The following ROR1 variants were observed in gnomAD, a reference collection of about 807,000 sequenced individuals.
The protein encoded by ROR1 is ROR family WNT receptor 1.
In ROR1, 19 loss-of-function variants were observed where a neutral mutation model predicts 78.8. The ratio of observed to expected loss-of-function variants is 0.24; its 90% CI spans 0.17 to 0.35. ROR1 has a LOEUF of 0.35. ROR1 is among the 10% of genes least tolerant of loss of function. The pLI, the probability that ROR1 is intolerant of heterozygous loss-of-function variation, is 1.00. For missense variants in ROR1, 917 were observed against 1,177.8 expected, an observed-to-expected ratio of 0.78 and a Z score of 3.24; for synonymous variants, 386 against 433.6, an observed-to-expected ratio of 0.89 and a Z score of 1.36.
chr1:64,057,346 G>T (rs183795576), intron 4 of ROR1, among the ~76,000 whole-genome samples: 1 of 152,286 alleles, frequency 6.6e-6, no homozygotes, highest in Admixed American at 6.5e-5. Flanking sequence ...GTTCTACATA[G>T]TCTTGATTAC....
chr1:64,134,448 T>A (rs2100702985), intron 4 of ROR1, among the ~76,000 whole-genome samples: 1 of 152,326 alleles, frequency 6.6e-6, no homozygotes, highest in East Asian at 1.9e-4. Context: ...ACTTTGTGAA[T>A]TTGAGCAAGT....
intron 7 of ROR1, among the ~76,000 whole-genome samples, chr1:64,146,858 T>C (rs1649487309): frequency 6.6e-6 from 1 of 152,174 alleles, no homozygotes; most frequent in South Asian, 2.1e-4. Context: ...CCTGGTGCTT[T>C]ACATATTCAT....
chr1:63,894,896 C>G (rs1375794873), intron 1 of ROR1, among the ~76,000 whole-genome samples: 5 of 152,094 alleles, frequency 3.3e-5, no homozygotes, highest in African/African-American at 9.7e-5. Context: ...CTTTATTTTG[C>G]CAAGTAGACT....
chr1:64,137,628 T>C (rs1649161059), intron 5 of ROR1, 132 bp downstream of exon 5: 1 of 769,360 alleles, frequency 1.3e-6, no homozygotes, highest in South Asian at 1.9e-5. Flanking sequence ...TAAAAAAGCA[T>C]GAGACATGAT....
At chr1:64,008,781 C>T (rs758227950) in intron 1 of ROR1, among the ~76,000 whole-genome samples, 31 of 152,056 alleles carry the variant, frequency 2.0e-4, no homozygotes, top group Admixed American at 1.4e-3. Context: ...ATTACAGGTG[C>T]ATGCCACCAG....
intron 4 of ROR1, among the ~76,000 whole-genome samples, chr1:64,130,198 G>A (rs1379256137): frequency 6.6e-6 from 1 of 152,080 alleles, no homozygotes; most frequent in Non-Finnish European, 1.5e-5. Flanking sequence ...AAGAAAAAGG[G>A]ATGTAAGGGT....
At chr1:63,847,475 C>G (rs369396052) in intron 1 of ROR1, among the ~76,000 whole-genome samples, 4 of 152,188 alleles carry the variant, frequency 2.6e-5, no homozygotes, top group African/African-American at 9.6e-5. Flanking sequence ...CAGGGAGATT[C>G]ATCTCCCAGA....
intron 1 of ROR1, among the ~76,000 whole-genome samples, chr1:63,949,252 T>C (rs1214129314): frequency 2.0e-5 from 3 of 152,164 alleles, no homozygotes; most frequent in African/African-American, 7.2e-5. Context: ...TTCAATTTCA[T>C]CAGGTGATTT....
intron 1 of ROR1, among the ~76,000 whole-genome samples, chr1:63,794,631 G>A (rs1041423862): frequency 6.6e-6 from 1 of 152,218 alleles, no homozygotes; most frequent in African/African-American, 2.4e-5. Flanking sequence ...CGCAGTGATG[G>A]AATCACCTGA....
intron 7 of ROR1, among the ~76,000 whole-genome samples, chr1:64,154,352 G>A (rs1309959492): frequency 6.6e-6 from 1 of 152,190 alleles, no homozygotes. Flanking sequence ...AATTGGTAGT[G>A]ATTCCTGTTT....
At chr1:64,013,014 C>T (rs1249864745) in intron 2 of ROR1, among the ~76,000 whole-genome samples, 2 of 152,108 alleles carry the variant, frequency 1.3e-5, no homozygotes, top group East Asian at 1.9e-4. Flanking sequence ...CTCCACTATG[C>T]GTTTCCTGTG....
chr1:63,985,397 G>A (rs1460555628), intron 1 of ROR1, among the ~76,000 whole-genome samples: 1 of 152,030 alleles, frequency 6.6e-6, no homozygotes, highest in Non-Finnish European at 1.5e-5. Flanking sequence ...TGAGTTTCAG[G>A]AACCTAATCC....
At chr1:63,823,659 C>T (rs1418207462) in intron 1 of ROR1, among the ~76,000 whole-genome samples, 1 of 151,972 alleles carries the variant, frequency 6.6e-6, no homozygotes, top group Non-Finnish European at 1.5e-5. Flanking sequence ...TGCTATGTTG[C>T]ACAGGCTGGT....
At chr1:64,051,939 G>A (rs767518183) in intron 4 of ROR1, among the ~76,000 whole-genome samples, 35 of 152,204 alleles carry the variant, frequency 2.3e-4, no homozygotes, top group Non-Finnish European at 4.1e-4. Flanking sequence ...TAATACATTT[G>A]TGTGTGCCTG....
intron 4 of ROR1, among the ~76,000 whole-genome samples, chr1:64,104,930 A>G (rs144959490): frequency 0.14 from 21,242 of 152,194 alleles, 1,706 homozygotes; most frequent in African/African-American, 0.2. Flanking sequence ...ATATGTGTGC[A>G]TGTGTCTTTA....
At chr1:63,901,779 T>G (rs1183566899) in intron 1 of ROR1, among the ~76,000 whole-genome samples, 2 of 152,172 alleles carry the variant, frequency 1.3e-5, no homozygotes, top group Admixed American at 6.5e-5. Context: ...CTATCATATA[T>G]TAATGAATAC....
chr1:64,093,747 C>T (rs1295009411), intron 4 of ROR1, among the ~76,000 whole-genome samples: 1 of 152,142 alleles, frequency 6.6e-6, no homozygotes, highest in East Asian at 1.9e-4. Context: ...CTAGAGATCT[C>T]AGTGCCAGAC....
intron 1 of ROR1, among the ~76,000 whole-genome samples, chr1:63,944,162 T>A (rs1372473114): frequency 6.6e-6 from 1 of 152,210 alleles, no homozygotes; most frequent in East Asian, 1.9e-4. Flanking sequence ...CTTGCTGGAA[T>A]GTGAGTCTTT....
At chr1:64,074,182 G>T (rs1208151933) in intron 4 of ROR1, among the ~76,000 whole-genome samples, 2 of 152,028 alleles carry the variant, frequency 1.3e-5, no homozygotes, top group East Asian at 1.9e-4. Flanking sequence ...CTAAATCAGG[G>T]TGGCCACATG....
Sources: allele counts gnomAD v4.1 joint callset (sites outside exome capture counted in the v4.1 genomes callset), GRCh38; gene constraint gnomAD v4.1.1; transcripts MANE v1.5; gene names NCBI Gene and HGNC (gene_info 2026-07-23, HGNC 2026-07-21).